NTM: variants seen among roughly 807,000 people sequenced by gnomAD.
The protein encoded by NTM is IgLON family member 2.
A neutral mutation model predicts 42.1 loss-of-function variants in NTM; 13 were observed. The observed-to-expected ratio is 0.31, with a 90% confidence interval of 0.20 to 0.49. The LOEUF is 0.49. NTM is among the 20% of genes least tolerant of loss of function. The pLI is 0.99. For synonymous variants in NTM, 187 were observed against 179.2 expected, an observed-to-expected ratio of 1.04 and a Z score of -0.35; for missense variants, 373 against 452.8, an observed-to-expected ratio of 0.82 and a Z score of 1.60.
At chr11:131,533,130 A>G (rs1236257486) in intron 1 of NTM, among the ~76,000 whole-genome samples, 1 of 152,196 alleles carries the variant, frequency 6.6e-6, no homozygotes, top group Non-Finnish European at 1.5e-5. Context: ...TTTCCTGAAT[A>G]AGTGACTCTT....
At chr11:131,899,691 T>C (rs2052832894) in intron 1 of NTM, among the ~76,000 whole-genome samples, 1 of 152,246 alleles carries the variant, frequency 6.6e-6, no homozygotes, top group African/African-American at 2.4e-5. Context: ...CCTTTTCATA[T>C]CTTATTTAGA....
chr11:132,307,041 A>C (rs565593027), intron 4 of NTM, among the ~76,000 whole-genome samples: 5 of 152,310 alleles, frequency 3.3e-5, no homozygotes, highest in Non-Finnish European at 5.9e-5. Context: ...ACATGCTTAC[A>C]ACTAGGCATC....
At chr11:131,442,756 G>A (rs372126835) in intron 1 of NTM, among the ~76,000 whole-genome samples, 1 of 151,574 alleles carries the variant, frequency 6.6e-6, no homozygotes, top group African/African-American at 2.4e-5. Flanking sequence ...TAATTTCATC[G>A]TTTTATGGCT....
intron 1 of NTM, among the ~76,000 whole-genome samples, chr11:131,415,242 G>A (rs1474590622): frequency 7.2e-5 from 11 of 152,072 alleles, no homozygotes; most frequent in Admixed American, 4.6e-4. Flanking sequence ...GAATCTCCTC[G>A]CAGTGCCCAA....
At chr11:132,066,512 G>T (rs1172077626) in intron 2 of NTM, among the ~76,000 whole-genome samples, 1 of 152,176 alleles carries the variant, frequency 6.6e-6, no homozygotes, top group Non-Finnish European at 1.5e-5. Flanking sequence ...AAAACAACCA[G>T]AAGTGTATTC....
chr11:132,014,569 A>G (rs1050400788), intron 2 of NTM, among the ~76,000 whole-genome samples: 1 of 151,936 alleles, frequency 6.6e-6, no homozygotes, highest in African/African-American at 2.4e-5. Flanking sequence ...TTTTGATAAT[A>G]ACCATTCTAA....
intron 1 of NTM, among the ~76,000 whole-genome samples, chr11:131,447,002 G>T (rs1950111198): frequency 6.6e-6 from 1 of 150,906 alleles, no homozygotes; most frequent in Non-Finnish European, 1.5e-5. Flanking sequence ...AATGGAATAT[G>T]CATATGACTG....
intron 1 of NTM, among the ~76,000 whole-genome samples, chr11:131,630,100 C>T (rs924840816): frequency 6.6e-6 from 1 of 152,140 alleles, no homozygotes; most frequent in Non-Finnish European, 1.5e-5. Context: ...GAAGCTCCCA[C>T]ACAACCCTCC....
chr11:131,739,322 C>A (rs891798346), intron 1 of NTM, among the ~76,000 whole-genome samples: 2 of 151,974 alleles, frequency 1.3e-5, no homozygotes, highest in Non-Finnish European at 2.9e-5. Flanking sequence ...CAAATTTCAA[C>A]TTTATCACGT....
chr11:131,779,189 A>G (rs2135989503), intron 1 of NTM, among the ~76,000 whole-genome samples: 1 of 152,326 alleles, frequency 6.6e-6, no homozygotes, highest in Non-Finnish European at 1.5e-5. Flanking sequence ...CTGCCCACAC[A>G]AATGAGCCTG....
At chr11:132,249,694 C>T (rs2091700820) in intron 4 of NTM, among the ~76,000 whole-genome samples, 1 of 152,198 alleles carries the variant, frequency 6.6e-6, no homozygotes, top group Admixed American at 6.5e-5. Flanking sequence ...AAGTCAGGAT[C>T]CAGGATTTTC....
At chr11:131,972,000 GCCAC>G (rs2063604443) in intron 2 of NTM, among the ~76,000 whole-genome samples, 6 of 135,966 alleles carry the variant, frequency 4.4e-5, no homozygotes, top group Admixed American at 1.6e-4. Context: ...CTGAGATTGC[GCCAC>G]TGCACTCCAG....
chr11:132,254,651 T>C (rs1013211259), intron 4 of NTM, among the ~76,000 whole-genome samples: 5 of 152,142 alleles, frequency 3.3e-5, no homozygotes, highest in African/African-American at 9.7e-5. Context: ...CTCCCACTTC[T>C]ATAAAAGACT....
At chr11:132,048,491 C>A (rs2078345093) in intron 2 of NTM, among the ~76,000 whole-genome samples, 1 of 152,178 alleles carries the variant, frequency 6.6e-6, no homozygotes, top group Non-Finnish European at 1.5e-5. Context: ...CTTGTGTTCA[C>A]CTCTGGAAAC....
rs528778783 is a variant in NTM at position 131,911,084 on chromosome 11, TC to T, written c.83-476del. 26 of 1,129,364 alleles carry T rather than the reference TC, an allele frequency of 2.3e-5. No individual in the cohort carries two copies. The East Asian group carries it at 1.2e-3, about 52-fold the overall frequency. 70.0% of individuals were successfully genotyped at this position (1,129,364 alleles called of 1,614,324 possible). A position where few individuals can be genotyped will look rare whatever the true frequency, so the allele number is the denominator to read the frequency against. On this transcript the variant is annotated intron_variant, in intron 1 of 8. Coordinates refer to ENST00000683400, the MANE Select transcript of NTM (RefSeq NM_001352005.2). ...GGGTAGCTGGATGAAGCCCACCCCG[TC>T]CCCTTCTGGTACCAAAGTGCTTACT...
chr11:132,070,719 T>A (rs1235762212), intron 2 of NTM, among the ~76,000 whole-genome samples: 2 of 142,734 alleles, frequency 1.4e-5, no homozygotes, highest in Non-Finnish European at 3.1e-5. Flanking sequence ...AGTTAACACG[T>A]CACACAGCCA....
intron 1 of NTM, among the ~76,000 whole-genome samples, chr11:131,865,790 C>T (rs567334426): frequency 0.025 from 3,594 of 146,502 alleles, 305 homozygotes; most frequent in African/African-American, 0.093. Context: ...ATGCTACACA[C>T]ACACCTCCCA....
chr11:132,040,076 A>C (rs2076991734), intron 2 of NTM, among the ~76,000 whole-genome samples: 1 of 149,520 alleles, frequency 6.7e-6, no homozygotes, highest in African/African-American at 2.5e-5. Flanking sequence ...CTACAGATGC[A>C]TGCTACCACG....
chr11:132,304,891 CTG>C (rs1343883745), intron 4 of NTM, among the ~76,000 whole-genome samples: 1 of 152,214 alleles, frequency 6.6e-6, no homozygotes, highest in Non-Finnish European at 1.5e-5. Flanking sequence ...TTAAGCCTCA[CTG>C]TTCCTGCAGG....
Sources: gnomAD v4.1 joint callset for allele counts (sites outside exome capture counted in the v4.1 genomes callset) on GRCh38, gnomAD v4.1.1 for gene constraint, MANE v1.5 for transcripts, NCBI Gene and HGNC (gene_info 2026-07-23, HGNC 2026-07-21) for gene names.